SAMHD1: variants seen among roughly 807,000 people sequenced by gnomAD.
SAMHD1 encodes the protein SAM and HD domain containing deoxynucleoside triphosphate triphosphohydrolase 1.
Under a neutral mutation model 79.6 loss-of-function variants are expected in SAMHD1, and 54 were observed. The observed-to-expected ratio is 0.68, with a 90% CI of 0.55 to 0.85. The LOEUF (loss-of-function observed/expected upper bound fraction) is 0.85. Among genes scored for constraint, SAMHD1 ranks in the 40% least tolerant of loss-of-function variants. The pLI is 0.00. For missense variants in SAMHD1, 663 were observed against 782.7 expected (o/e 0.85, Z 1.82); for synonymous variants, 260 against 264.1 (o/e 0.98, Z 0.15).
rs958486366 is a variant in SAMHD1 at position 36,891,345 on chromosome 20, T to C, written c.*1587A>G. On this transcript the variant is annotated 3_prime_UTR_variant, in exon 16 of 16. Transcript: ENST00000646673. ...AGTGATGGACTGCTGGGAAATCTGC[T>C]GGCCTGTGGTCTGAGTTCCCCTACT... is the stretch of plus-strand genomic sequence containing the variant. 6.6e-6 allele frequency: 1 copy of C among 152,366 alleles called. No homozygotes were observed. Among genetic ancestry groups the C allele is most frequent in the African/African-American group, 2.4e-5 (1 of 41,462 alleles). 9.4% of individuals were successfully genotyped at this position (152,366 alleles called of 1,614,324 possible).
chr20:36,937,673 G>A (rs2063613218), intron 3 of SAMHD1, among the ~76,000 whole-genome samples: 2 of 152,092 alleles, frequency 1.3e-5, no homozygotes, highest in African/African-American at 4.8e-5. Context: ...ATGAAATTAG[G>A]GTAGAAATCC....
chr20:36,911,575 AAGGT>A (rs1263003381), intron 10 of SAMHD1: 1 of 460,658 alleles, frequency 2.2e-6, no homozygotes, highest in South Asian at 2.3e-5. Flanking sequence ...TCCCAACAAT[AAGGT>A]AGGTGTATTC....
intron 1 of SAMHD1, among the ~76,000 whole-genome samples, chr20:36,947,310 GGTGTGTGTGTGTGTGTGTGT>G (rs35061251): frequency 3.5e-5 from 3 of 85,126 alleles, no homozygotes; most frequent in South Asian, 5.4e-4. Flanking sequence ...ATTTGGAAGA[GGTGTGTGTGTGTGTGTGTGT>G]GTGTGTGTGT....
chr20:36,890,238 G>A lies in SAMHD1; in HGVS notation c.*2694C>T, dbSNP rs1990027931. On this transcript the variant is annotated 3_prime_UTR_variant, in exon 16 of 16. Transcript: ENST00000646673. Reference sequence around the variant, plus strand: ...TTTCAAGATGGAGATATATATTCACGAAGCTTTATTGCAGCTGTTTCCCTT... The same window carrying A: ...TTTCAAGATGGAGATATATATTCACAAAGCTTTATTGCAGCTGTTTCCCTT... 6.6e-6 allele frequency: 1 copy of A among 152,226 alleles called. No homozygotes were observed. The highest frequency in any genetic ancestry group is 2.4e-5 in the African/African-American group (1 of 41,548). The allele number at this position is 152,226 out of a possible 1,614,324, so 9.4% of individuals were successfully genotyped here.
At position 36,927,990 on chromosome 20, in the gene SAMHD1, C is replaced by T. The variant is rs181472973; in HGVS notation, c.626-738G>A. On this transcript the variant is annotated intron_variant, in intron 5 of 15. Coordinates refer to ENST00000646673, the MANE Select transcript of SAMHD1 (RefSeq NM_015474.4). ...TACAAGCATGCACCACCACACAGGG[C>T]TTGATAAATGGACAATTCTGTGTAA... Among the ~76,000 whole-genome samples, 28 of 152,260 alleles carry T rather than the reference C, an allele frequency of 1.8e-4. No individual in the cohort carries two copies. In the East Asian group the frequency reaches 5.2e-3, roughly 28 times the overall value.
chr20:36,951,193 G>A (rs2063730728), intron 1 of SAMHD1, among the ~76,000 whole-genome samples: 2 of 152,196 alleles, frequency 1.3e-5, no homozygotes, highest in South Asian at 2.1e-4. Context: ...CTCCGCCTCG[G>A]GGAGTCAGTC....
At chr20:36,950,277 A>G (rs4810362) in intron 1 of SAMHD1, among the ~76,000 whole-genome samples, 34,263 of 151,650 alleles carry the variant, frequency 0.23, 4,663 homozygotes, top group East Asian at 0.49. Context: ...CAAAGAAAAT[A>G]AAGTAATAAT....
chr20:36,939,125 G>A (rs528011077), intron 3 of SAMHD1, among the ~76,000 whole-genome samples: 2 of 145,468 alleles, frequency 1.4e-5, no homozygotes, highest in African/African-American at 5.1e-5. Context: ...GTGGTGGCAG[G>A]TGCCTGTAAT....
At chr20:36,927,314 C>CCTT in intron 5 of SAMHD1, 62 bp from the exon 6 acceptor site, 1 of 765,696 alleles carries the variant, frequency 1.3e-6, no homozygotes. Flanking sequence ...AAACTTTTTC[C>CCTT]TTTTTTTTTT....
intron 3 of SAMHD1, among the ~76,000 whole-genome samples, chr20:36,938,299 T>C (rs1000414481): frequency 6.6e-6 from 1 of 152,132 alleles, no homozygotes; most frequent in African/African-American, 2.4e-5. Context: ...CCCAAAACTT[T>C]GGAAGGCCGA....
chr20:36,916,813 C>A lies in SAMHD1; in HGVS notation c.971G>T (p.Gly324Val). Reference protein sequence around the residue: ...DYFARDCHHLGIQNNFDYKRF... With the variant: ...DYFARDCHHLVIQNNFDYKRF... ...CTTGTAATCAAAATTATTTTGGATT[C>A]CAAGATGATGGCAGTCCCTAGAAGG... The change falls in exon 9 of 16, where the codon GGA becomes GTA. Residue 324 changes from glycine (G) to valine (V), a missense_variant. Physicochemically the swap from Gly to Val is moderately radical, Grantham distance 109. Transcript: ENST00000646673. The A allele has an allele frequency of 6.2e-7, 1 of 1,613,896 alleles. No homozygotes were observed. The highest frequency in any genetic ancestry group is 8.5e-7 in the Non-Finnish European group (1 of 1,179,886).
At chr20:36,928,621 G>T (rs1388693302) in intron 5 of SAMHD1, among the ~76,000 whole-genome samples, 1 of 151,242 alleles carries the variant, frequency 6.6e-6, no homozygotes, top group Non-Finnish European at 1.5e-5. Flanking sequence ...GGAGGCGGAG[G>T]TTGCAGTGAG....
intron 2 of SAMHD1, among the ~76,000 whole-genome samples, chr20:36,945,770 G>A (rs1483306932): frequency 6.6e-6 from 1 of 151,848 alleles, no homozygotes; most frequent in East Asian, 1.9e-4. Flanking sequence ...ACTTAGCTGG[G>A]CATGGTGGTG....
chr20:36,911,171 T>TA, intron 11 of SAMHD1, 47 bp downstream of exon 11: 2 of 1,121,894 alleles, frequency 1.8e-6, no homozygotes, highest in Non-Finnish European at 2.7e-6. Context: ...AGGGACTTCT[T>TA]ACAGTTTATC....
chr20:36,904,670 T>G, intron 12 of SAMHD1: 1 of 253,050 alleles, frequency 4.0e-6, no homozygotes, highest in Non-Finnish European at 7.8e-6. Flanking sequence ...TGAGCTGAGA[T>G]CGCGCCACTG....
At position 36,890,262 on chromosome 20, in the gene SAMHD1, T is replaced by C. The variant is rs1362379903; in HGVS notation, c.*2670A>G. ...CGAAGCTTTATTGCAGCTGTTTCCC[T>C]TACCCAGTTGAAGTGGCCAGTCATT... is the stretch of plus-strand genomic sequence containing the variant. On this transcript the variant is annotated 3_prime_UTR_variant, in exon 16 of 16. Coordinates refer to ENST00000646673, the MANE Select transcript of SAMHD1 (RefSeq NM_015474.4). The C allele has an allele frequency of 6.6e-6, 1 of 152,238 alleles. No homozygotes were observed. Among genetic ancestry groups the C allele is most frequent in the Non-Finnish European group, 1.5e-5 (1 of 68,050 alleles). The allele number at this position is 152,238 out of a possible 1,614,324, so 9.4% of individuals were successfully genotyped here.
At chr20:36,890,082 G>C (rs763513326), downstream of SAMHD1, 41 of 152,176 alleles carry the variant, frequency 2.7e-4, 1 homozygote, top group Non-Finnish European at 2.4e-4. Flanking sequence ...AGAATGTTGA[G>C]GCCTTTTTGT....
chr20:36,946,714 G>A (rs775043016), intron 2 of SAMHD1, 24 bp downstream of exon 2: 15 of 1,577,750 alleles, frequency 9.5e-6, no homozygotes, highest in South Asian at 5.6e-5. Flanking sequence ...TGGTTATAAC[G>A]TGAATTTATT....
rs1394942844 is a variant in SAMHD1 at position 36,890,432 on chromosome 20, T to C, written c.*2500A>G. On this transcript the variant is annotated 3_prime_UTR_variant, in exon 16 of 16. Coordinates refer to ENST00000646673, the MANE Select transcript of SAMHD1 (RefSeq NM_015474.4). ...TTTCTTTCTTTCTTTTCTTTCTCTC[T>C]TTCCTTCCTTCCTTCCCTCCTTCCT... 6.6e-6 allele frequency: 1 copy of C among 151,310 alleles called. No homozygotes were observed. The highest frequency in any genetic ancestry group is 2.4e-5 in the African/African-American group (1 of 41,004). The allele number at this position is 151,310 out of a possible 1,614,324, so 9.4% of individuals were successfully genotyped here. A position where few individuals can be genotyped will look rare whatever the true frequency, so the allele number is the denominator to read the frequency against.
Sources: gnomAD v4.1 joint callset for allele counts (sites outside exome capture counted in the v4.1 genomes callset) on GRCh38, gnomAD v4.1.1 for gene constraint, MANE v1.5 for transcripts, NCBI Gene and HGNC (gene_info 2026-07-23, HGNC 2026-07-21) for gene names.